Variants in KIAA1958 observed in about 807,000 individuals in gnomAD.
The protein encoded by KIAA1958 is uncharacterized protein KIAA1958.
KIAA1958 carries 14 observed loss-of-function variants against 47.2 expected under a neutral mutation model. That is an observed-to-expected ratio of 0.30 (90% confidence interval 0.20 to 0.46). The LOEUF (loss-of-function observed/expected upper bound fraction) is 0.46. KIAA1958 is among the 20% of genes least tolerant of loss of function. The pLI, the probability that KIAA1958 is intolerant of heterozygous loss-of-function variation, is 1.00. For synonymous variants in KIAA1958, 354 were observed against 353.3 expected (o/e 1.00, Z -0.02); for missense variants, 803 against 909.2 (o/e 0.88, Z 1.50).
chr9:112,542,950 TGCAAAA>T (rs1307785649), intron 1 of KIAA1958, among the ~76,000 whole-genome samples: 1 of 152,226 alleles, frequency 6.6e-6, no homozygotes, highest in African/African-American at 2.4e-5. Flanking sequence ...AGTTACCATG[TGCAAAA>T]TGATACAAGT....
In KIAA1958 at chr9:112,666,076, A is replaced by G. The variant is rs1469032159; in HGVS notation, c.*6007A>G. On this transcript the variant is annotated 3_prime_UTR_variant, in exon 4 of 4. Coordinates refer to ENST00000337530, the MANE Select transcript of KIAA1958 (RefSeq NM_133465.4). ...AATCTCTGCCTCCTGGGTTCAAGCC[A>G]TCCTCCTGCCTCAGTCTCCCAAGTA... 4 of 150,910 alleles carry G rather than the reference A, an allele frequency of 2.7e-5. No individual in the cohort carries two copies. The highest frequency in any genetic ancestry group is 9.8e-5 in the African/African-American group (4 of 40,950). The allele number at this position is 150,910 out of a possible 1,614,324, so 9.3% of individuals were successfully genotyped here. A position where few individuals can be genotyped will look rare whatever the true frequency, so the allele number is the denominator to read the frequency against.
intron 1 of KIAA1958, among the ~76,000 whole-genome samples, chr9:112,491,927 GT>G (rs1171269351): frequency 6.6e-6 from 1 of 151,874 alleles, no homozygotes; most frequent in Admixed American, 6.6e-5. Context: ...TGTCCCTTCA[GT>G]TTTTTCTTAT....
intron 2 of KIAA1958, among the ~76,000 whole-genome samples, chr9:112,639,613 A>C (rs1170127561): frequency 6.6e-6 from 1 of 152,138 alleles, no homozygotes; most frequent in Non-Finnish European, 1.5e-5. Flanking sequence ...ATGGCACCAC[A>C]TACCAGGCTG....
intron 2 of KIAA1958, among the ~76,000 whole-genome samples, chr9:112,605,479 C>T (rs530643456): frequency 6.6e-6 from 1 of 152,258 alleles, no homozygotes; most frequent in South Asian, 2.1e-4. Context: ...CCAGCCCCTG[C>T]CCTTCCTACT....
At chr9:112,508,285 C>A (rs552833906) in intron 1 of KIAA1958, among the ~76,000 whole-genome samples, 2 of 152,072 alleles carry the variant, frequency 1.3e-5, no homozygotes, top group Admixed American at 6.6e-5. Flanking sequence ...AAATACACTA[C>A]TAGTATGCAT....
intron 1 of KIAA1958, among the ~76,000 whole-genome samples, chr9:112,504,702 T>C (rs927224052): frequency 6.6e-6 from 1 of 152,206 alleles, no homozygotes; most frequent in African/African-American, 2.4e-5. Flanking sequence ...TGATGAAATC[T>C]GAGTCTGTTT....
chr9:112,557,889 T>G (rs1204045361), intron 1 of KIAA1958, among the ~76,000 whole-genome samples: 1 of 152,174 alleles, frequency 6.6e-6, no homozygotes, highest in African/African-American at 2.4e-5. Flanking sequence ...ATACCTAATA[T>G]CATATTTAAT....
intron 2 of KIAA1958, among the ~76,000 whole-genome samples, chr9:112,636,763 T>G (rs1460837291): frequency 1.3e-5 from 2 of 152,184 alleles, no homozygotes; most frequent in Non-Finnish European, 2.9e-5. Flanking sequence ...TATTTGTTCT[T>G]ATATGTAAGG....
At chr9:112,492,634 A>G (rs1222819454) in intron 1 of KIAA1958, among the ~76,000 whole-genome samples, 2 of 152,246 alleles carry the variant, frequency 1.3e-5, no homozygotes, top group African/African-American at 2.4e-5. Context: ...ATACATAGCA[A>G]TATGATCAAC....
intron 3 of KIAA1958, among the ~76,000 whole-genome samples, chr9:112,648,853 G>T (rs192118669): frequency 6.6e-6 from 1 of 152,132 alleles, no homozygotes. Context: ...ATTATCAGAC[G>T]TGCAATGAAG....
At chr9:112,654,500 A>T (rs1358290270) in intron 3 of KIAA1958, among the ~76,000 whole-genome samples, 2 of 152,102 alleles carry the variant, frequency 1.3e-5, no homozygotes, top group Non-Finnish European at 2.9e-5. Flanking sequence ...CAGCTATGTG[A>T]AAAAAGCACT....
In KIAA1958 at chr9:112,662,582, G is replaced by A. The variant is rs572199337; in HGVS notation, c.*2513G>A. ...GGCCAAGGTGGGCAGATCACTTGAG[G>A]TCAGGAGTTCAAGATCAGGACCAAC... On this transcript the variant is annotated 3_prime_UTR_variant, in exon 4 of 4. Coordinates refer to ENST00000337530, the MANE Select transcript of KIAA1958 (RefSeq NM_133465.4). 6.6e-6 allele frequency: 1 copy of A among 152,408 alleles called. No homozygotes were observed. The highest frequency in any genetic ancestry group is 2.1e-4 in the South Asian group (1 of 4,828). 9.4% of individuals were successfully genotyped at this position (152,408 alleles called of 1,614,324 possible).
At chr9:112,566,442 A>G (rs1564174599) in intron 1 of KIAA1958, among the ~76,000 whole-genome samples, 1 of 152,032 alleles carries the variant, frequency 6.6e-6, no homozygotes, top group East Asian at 1.9e-4. Context: ...CCACATTTTT[A>G]CATTTTTAAA....
At chr9:112,627,044 G>C (rs1427520796) in intron 2 of KIAA1958, among the ~76,000 whole-genome samples, 1 of 152,182 alleles carries the variant, frequency 6.6e-6, no homozygotes, top group Non-Finnish European at 1.5e-5. Context: ...TGTGACTTAA[G>C]TAACTGTGTA....
At chr9:112,505,231 A>G (rs978586501) in intron 1 of KIAA1958, among the ~76,000 whole-genome samples, 9 of 152,190 alleles carry the variant, frequency 5.9e-5, no homozygotes, top group African/African-American at 1.7e-4. Context: ...TATTCTTCCA[A>G]TAATGAGTTC....
chr9:112,558,215 C>T (rs1320955185), intron 1 of KIAA1958, among the ~76,000 whole-genome samples: 2 of 151,298 alleles, frequency 1.3e-5, no homozygotes, highest in Non-Finnish European at 1.5e-5. Context: ...CAGAGCGAGA[C>T]TCTGTCTCAA....
At chr9:112,508,148 C>T (rs1834262591) in intron 1 of KIAA1958, among the ~76,000 whole-genome samples, 1 of 152,088 alleles carries the variant, frequency 6.6e-6, no homozygotes, top group Non-Finnish European at 1.5e-5. Flanking sequence ...GAATAGAAAC[C>T]TTAAAGGCTT....
chr9:112,618,113 C>T lies in KIAA1958; in HGVS notation c.1172-27537C>T. On this transcript the variant is annotated intron_variant, in intron 2 of 3. Coordinates refer to ENST00000337530, the MANE Select transcript of KIAA1958 (RefSeq NM_133465.4). This position sits in a 1 kb window ranked among gnomAD's most constrained non-coding sequence, Gnocchi z 7.1. ...CAGCTTGGCCAATTACCAGTGTGGGCTCGAAAGGTACCTGAAAGAACACAG... is the reference window on the plus strand; with the variant it reads ...CAGCTTGGCCAATTACCAGTGTGGGTTCGAAAGGTACCTGAAAGAACACAG... The T allele has an allele frequency of 6.4e-7, 1 of 1,550,526 alleles. No individual in the cohort carries two copies. Among genetic ancestry groups the T allele is most frequent in the Non-Finnish European group, 8.7e-7 (1 of 1,146,990 alleles).
intron 2 of KIAA1958, among the ~76,000 whole-genome samples, chr9:112,603,446 C>T (rs1836170292): frequency 6.6e-6 from 1 of 152,148 alleles, no homozygotes; most frequent in Non-Finnish European, 1.5e-5. Context: ...GCAGCTTCGT[C>T]CTAAGATGCC....
Sources: gnomAD v4.1 joint callset for allele counts (sites outside exome capture counted in the v4.1 genomes callset) on GRCh38, gnomAD v4.1.1 for gene constraint, Gnocchi (gnomAD v3.1) non-coding constraint, MANE v1.5 for transcripts, NCBI Gene and HGNC (gene_info 2026-07-23, HGNC 2026-07-21) for gene names.